AGBL4: variants seen among roughly 807,000 people sequenced by gnomAD.
AGBL4 encodes AGBL carboxypeptidase 4.
AGBL4 carries 58 observed loss-of-function variants against 66.4 expected under a neutral mutation model. That is an observed-to-expected ratio of 0.87 (90% confidence interval 0.71 to 1.09). The LOEUF is 1.09. AGBL4 is among the 50% of genes least tolerant of loss of function. The pLI, the probability that AGBL4 is intolerant of heterozygous loss-of-function variation, is 0.00. For synonymous variants in AGBL4, 234 were observed against 222.9 expected (o/e 1.05, Z -0.44); for missense variants, 579 against 631.0 (o/e 0.92, Z 0.88).
intron 3 of AGBL4, among the ~76,000 whole-genome samples, chr1:49,542,894 A>C (rs35921555): frequency 2.9e-5 from 3 of 102,310 alleles, no homozygotes; most frequent in African/African-American, 1.1e-4. Flanking sequence ...GTAAGACTCC[A>C]TCAAAAAAAA....
At chr1:48,786,138 A>G (rs573294536) in intron 6 of AGBL4, among the ~76,000 whole-genome samples, 1 of 152,338 alleles carries the variant, frequency 6.6e-6, no homozygotes, top group South Asian at 2.1e-4. Flanking sequence ...TTTTCTTAAG[A>G]ATGTCTCTCA....
chr1:48,583,225 A>G (rs1644766575), intron 11 of AGBL4, among the ~76,000 whole-genome samples: 2 of 152,222 alleles, frequency 1.3e-5, no homozygotes. Flanking sequence ...ATTTCTTGCT[A>G]TAACAGCCCT....
At chr1:49,566,773 A>G (rs1009624942) in intron 3 of AGBL4, among the ~76,000 whole-genome samples, 1 of 125,690 alleles carries the variant, frequency 8.0e-6, no homozygotes, top group African/African-American at 2.6e-5. Flanking sequence ...CAGTCTGCCC[A>G]TTCTCAGATC....
chr1:49,725,412 C>A (rs1453911560), intron 2 of AGBL4, among the ~76,000 whole-genome samples: 3 of 152,144 alleles, frequency 2.0e-5, no homozygotes, highest in African/African-American at 7.2e-5. Context: ...CCAGAAATCT[C>A]CGTGGCTTAC....
At chr1:49,332,073 G>T (rs2148492463) in intron 3 of AGBL4, among the ~76,000 whole-genome samples, 1 of 152,316 alleles carries the variant, frequency 6.6e-6, no homozygotes, top group East Asian at 1.9e-4. Flanking sequence ...GAGAGGCAAG[G>T]AAAGAGGGAG....
chr1:48,528,514 G>A (rs1251075621), downstream of AGBL4, among the ~76,000 whole-genome samples: 1 of 152,076 alleles, frequency 6.6e-6, no homozygotes, highest in Non-Finnish European at 1.5e-5. Flanking sequence ...CGGGCTTAGT[G>A]TCGAGGTCTG....
chr1:49,658,559 A>G (rs1174666886), intron 3 of AGBL4, among the ~76,000 whole-genome samples: 2 of 152,134 alleles, frequency 1.3e-5, no homozygotes. Context: ...ACATGCACAC[A>G]TATGTTTATT....
In AGBL4 at chr1:48,736,862, C is replaced by T. The variant is rs1006436241; in HGVS notation, c.635-73621G>A. 6.6e-6 allele frequency among the ~76,000 whole-genome samples: 1 copy of T among 152,226 alleles called. No homozygotes were observed. The highest frequency in any genetic ancestry group is 6.5e-5 in the Admixed American group (1 of 15,284). On this transcript the variant is annotated intron_variant, in intron 6 of 13. Transcript: ENST00000371839. This position sits in a 1 kb window ranked among gnomAD's most constrained non-coding sequence, Gnocchi z 4.0. ...CAAATCTCAGGACACCCATGCTTAACTTCTTTCTGTGTTACACTATGGAAA... is the reference window on the plus strand; with the variant it reads ...CAAATCTCAGGACACCCATGCTTAATTTCTTTCTGTGTTACACTATGGAAA...
chr1:49,214,543 C>T (rs1354286917), intron 4 of AGBL4, among the ~76,000 whole-genome samples: 1 of 152,090 alleles, frequency 6.6e-6, no homozygotes, highest in Non-Finnish European at 1.5e-5. Context: ...CAGACTTGAG[C>T]ACCAGTCTTA....
At chr1:49,917,132 T>C (rs2148227368) in intron 1 of AGBL4, among the ~76,000 whole-genome samples, 1 of 152,240 alleles carries the variant, frequency 6.6e-6, no homozygotes, top group South Asian at 2.1e-4. Flanking sequence ...TGCAAAATCA[T>C]GCCAAATTAT....
intron 3 of AGBL4, among the ~76,000 whole-genome samples, chr1:49,638,868 T>A (rs532858334): frequency 6.6e-6 from 1 of 152,168 alleles, no homozygotes; most frequent in Non-Finnish European, 1.5e-5. Context: ...AAGAAGATAC[T>A]ACTAACACGC....
At chr1:49,870,226 T>C (rs1319670394) in intron 1 of AGBL4, among the ~76,000 whole-genome samples, 1 of 152,160 alleles carries the variant, frequency 6.6e-6, no homozygotes, top group African/African-American at 2.4e-5. Context: ...CACAATGAAA[T>C]AGTTTTAATT....
chr1:49,092,530 A>C (rs1314890272), intron 4 of AGBL4, among the ~76,000 whole-genome samples: 5 of 152,186 alleles, frequency 3.3e-5, no homozygotes, highest in Admixed American at 6.5e-5. Context: ...GACAAAAAAG[A>C]ATCATATTTT....
Position 49,274,873 on chromosome 1 carries a change from C to A in AGBL4, c.283-29009G>T, listed in dbSNP as rs531120842. Among the ~76,000 whole-genome samples, 29 of 152,178 alleles carry A rather than the reference C, an allele frequency of 1.9e-4. 1 individual carries two copies. The South Asian group carries it at 5.8e-3, about 30-fold the overall frequency. Reference sequence around the variant, plus strand: ...TATAACTTTTTAATTTAAAACATTGCTGATTCCTTTTATGTTTTGTTTTCC... The same window carrying A: ...TATAACTTTTTAATTTAAAACATTGATGATTCCTTTTATGTTTTGTTTTCC... On this transcript the variant is annotated intron_variant, in intron 3 of 13. Transcript: ENST00000371839.
chr1:48,854,163 A>T (rs1394630860), intron 6 of AGBL4, among the ~76,000 whole-genome samples: 1 of 152,228 alleles, frequency 6.6e-6, no homozygotes, highest in South Asian at 2.1e-4. Context: ...AACATCTTTC[A>T]TAAGGACAGG....
At position 48,635,471 on chromosome 1, in the gene AGBL4, C is replaced by T. The variant is rs151022045; in HGVS notation, c.840-867G>A. Reference sequence around the variant, plus strand: ...GGCTCCACATTCAGATTTTCACTAGCGTCCTGCCTAGCCTCTCTGGCAAGT... The same window carrying T: ...GGCTCCACATTCAGATTTTCACTAGTGTCCTGCCTAGCCTCTCTGGCAAGT... On this transcript the variant is annotated intron_variant, in intron 8 of 13. Coordinates refer to ENST00000371839, the MANE Select transcript of AGBL4 (RefSeq NM_032785.4). 2.0e-4 allele frequency among the ~76,000 whole-genome samples: 31 copies of T among 152,302 alleles called. No individual in the cohort carries two copies. In the East Asian group the frequency reaches 5.6e-3, roughly 27 times the overall value.
At chr1:49,517,066 G>C (rs1649887558) in intron 3 of AGBL4, among the ~76,000 whole-genome samples, 1 of 151,980 alleles carries the variant, frequency 6.6e-6, no homozygotes, top group African/African-American at 2.4e-5. Flanking sequence ...ATGTTGTGAA[G>C]GTGACCCAGG....
At chr1:49,539,315 A>G (rs1452288628) in intron 3 of AGBL4, among the ~76,000 whole-genome samples, 2 of 152,058 alleles carry the variant, frequency 1.3e-5, no homozygotes, top group African/African-American at 4.8e-5. Context: ...TGTATTTCTG[A>G]TTTTTTCTAC....
intron 6 of AGBL4, among the ~76,000 whole-genome samples, chr1:48,845,742 G>T (rs574098462): frequency 6.6e-6 from 1 of 152,262 alleles, no homozygotes; most frequent in African/African-American, 2.4e-5. Context: ...AAATTCTGGA[G>T]CCGAACTGCC....
Sources: allele counts gnomAD v4.1 joint callset (sites outside exome capture counted in the v4.1 genomes callset), GRCh38; gene constraint gnomAD v4.1.1; non-coding constraint Gnocchi (gnomAD v3.1); transcripts MANE v1.5; gene names NCBI Gene and HGNC (gene_info 2026-07-23, HGNC 2026-07-21).